The following DIP2C variants were observed in gnomAD, a reference collection of about 807,000 sequenced individuals.
DIP2C encodes the protein disco-interacting protein 2 homolog C.
In DIP2C, 33 loss-of-function variants were observed where a neutral mutation model predicts 192.4. That is an observed-to-expected ratio of 0.17 (90% confidence interval 0.13 to 0.23). DIP2C has a LOEUF of 0.23. DIP2C is among the 10% of genes least tolerant of loss of function. DIP2C has a pLI of 1.00. For synonymous variants in DIP2C, 979 were observed against 864.1 expected, an observed-to-expected ratio of 1.13 and a Z score of -2.33; for missense variants, 1,537 against 2,110.1, an observed-to-expected ratio of 0.73 and a Z score of 5.32.
intron 6 of DIP2C, among the ~76,000 whole-genome samples, chr10:418,512 C>A (rs1440422965): frequency 6.6e-6 from 1 of 152,196 alleles, no homozygotes; most frequent in African/African-American, 2.4e-5. Context: ...CTGAGTGACA[C>A]GAACAGCCGC....
intron 2 of DIP2C, among the ~76,000 whole-genome samples, chr10:473,673 C>T (rs943342736): frequency 3.3e-5 from 5 of 152,248 alleles, no homozygotes; most frequent in African/African-American, 9.6e-5. Flanking sequence ...CCTACGTCGT[C>T]CCCACAGTTC....
chr10:389,150 G>GT (rs1439987506), intron 13 of DIP2C, among the ~76,000 whole-genome samples: 2 of 148,656 alleles, frequency 1.3e-5, no homozygotes, highest in South Asian at 2.1e-4. Flanking sequence ...GGGCATGGGG[G>GT]TTCTCTGGGG....
chr10:550,005 G>GCT (rs1848503446), intron 1 of DIP2C, among the ~76,000 whole-genome samples: 2 of 129,484 alleles, frequency 1.5e-5, no homozygotes, highest in African/African-American at 5.5e-5. Flanking sequence ...GGGACGTGTA[G>GCT]CTTTTTTTTT....
chr10:473,975 T>C (rs1032161146), intron 2 of DIP2C, among the ~76,000 whole-genome samples: 3 of 152,194 alleles, frequency 2.0e-5, no homozygotes. Context: ...TACACCGTCA[T>C]TTTGCTAAGT....
intron 1 of DIP2C, among the ~76,000 whole-genome samples, chr10:653,392 G>A (rs1034972691): frequency 6.6e-6 from 1 of 152,156 alleles, no homozygotes; most frequent in Admixed American, 6.5e-5. Flanking sequence ...AGGTTGCAGT[G>A]AGCTGAGATC....
At chr10:550,908 C>T (rs1848551701) in intron 1 of DIP2C, among the ~76,000 whole-genome samples, 1 of 152,326 alleles carries the variant, frequency 6.6e-6, no homozygotes, top group Non-Finnish European at 1.5e-5. Flanking sequence ...CCGATGCGAA[C>T]CGTGCACATG....
At chr10:524,077 G>A (rs568511622) in intron 1 of DIP2C, among the ~76,000 whole-genome samples, 4 of 136,946 alleles carry the variant, frequency 2.9e-5, no homozygotes, top group South Asian at 2.6e-4. Flanking sequence ...CAGTTCTCAC[G>A]CCCAGCCGTG....
intron 3 of DIP2C, among the ~76,000 whole-genome samples, chr10:447,923 C>T (rs1418614176): frequency 8.8e-6 from 1 of 114,070 alleles, no homozygotes; most frequent in Non-Finnish European, 1.6e-5. Flanking sequence ...TCATCCCTGT[C>T]TATACTCAGG....
At chr10:568,788 A>AAAAC (rs1166513698) in intron 1 of DIP2C, among the ~76,000 whole-genome samples, 4 of 142,532 alleles carry the variant, frequency 2.8e-5, no homozygotes, top group South Asian at 2.2e-4. Flanking sequence ...AAAAAAAAAA[A>AAAAC]AAAAAAAAAA....
intron 1 of DIP2C, among the ~76,000 whole-genome samples, chr10:653,848 C>T (rs1262356497): frequency 6.6e-6 from 1 of 152,170 alleles, no homozygotes; most frequent in Non-Finnish European, 1.5e-5. Flanking sequence ...AACCAAAGTT[C>T]TCTTTGTAAC....
chr10:338,925 C>CTGCACCCTGCCTGGCTCCCACAA (rs1272711471), intron 29 of DIP2C, among the ~76,000 whole-genome samples: 18 of 151,196 alleles, frequency 1.2e-4, no homozygotes, highest in Non-Finnish European at 2.1e-4. Flanking sequence ...CACCTGCACC[C>CTGCACCCTGCCTGGCTCCCACAA]TGCACCCTGC....
chr10:604,794 G>A (rs993312416), intron 1 of DIP2C, among the ~76,000 whole-genome samples: 1 of 152,170 alleles, frequency 6.6e-6, no homozygotes, highest in Non-Finnish European at 1.5e-5. Context: ...CTATGACTTG[G>A]ATAAGCATGA....
At chr10:412,531 AC>A (rs1965254231) in intron 8 of DIP2C, among the ~76,000 whole-genome samples, 1 of 152,238 alleles carries the variant, frequency 6.6e-6, no homozygotes, top group Non-Finnish European at 1.5e-5. Context: ...CATGGATGCC[AC>A]ACACTGTCCA....
intron 32 of DIP2C, among the ~76,000 whole-genome samples, chr10:290,616 G>A (rs2132197845): frequency 6.6e-6 from 1 of 152,302 alleles, no homozygotes. Flanking sequence ...AGCGAACCGT[G>A]GGCTTCACCC....
intron 1 of DIP2C, among the ~76,000 whole-genome samples, chr10:515,043 A>T (rs1251664926): frequency 6.6e-6 from 1 of 152,222 alleles, no homozygotes; most frequent in Non-Finnish European, 1.5e-5. Context: ...TAATTTTCAG[A>T]AAAACAAATT....
intron 1 of DIP2C, among the ~76,000 whole-genome samples, chr10:556,555 T>TC (rs1410067790): frequency 6.7e-6 from 1 of 150,366 alleles, no homozygotes; most frequent in Non-Finnish European, 1.5e-5. Context: ...TGAACACAGC[T>TC]CCTCCCTCAC....
At chr10:531,390 G>C (rs191952815) in intron 1 of DIP2C, among the ~76,000 whole-genome samples, 1 of 151,872 alleles carries the variant, frequency 6.6e-6, no homozygotes, top group African/African-American at 2.4e-5. Flanking sequence ...CAGTTCCCCC[G>C]AGACCACATT....
intron 31 of DIP2C, among the ~76,000 whole-genome samples, chr10:326,112 G>T (rs570562279): frequency 6.6e-6 from 1 of 151,224 alleles, no homozygotes; most frequent in Admixed American, 6.6e-5. Context: ...GCCTGGGAGC[G>T]GGGGGCAGGG....
intron 18 of DIP2C, among the ~76,000 whole-genome samples, chr10:366,831 G>A (rs772944575): frequency 6.6e-5 from 10 of 152,218 alleles, no homozygotes; most frequent in East Asian, 5.8e-4. Context: ...TTCACACTCC[G>A]TGCAAGGTGA....
Sources: allele counts gnomAD v4.1 joint callset (sites outside exome capture counted in the v4.1 genomes callset), GRCh38; gene constraint gnomAD v4.1.1; transcripts MANE v1.5; gene names NCBI Gene and HGNC (gene_info 2026-07-23, HGNC 2026-07-21).